NOS1: variants seen among roughly 807,000 people sequenced by gnomAD.
NOS1 encodes the protein NOS type I.
NOS1 carries 51 observed loss-of-function variants against 164.5 expected under a neutral mutation model. That is an observed-to-expected ratio of 0.31 (90% CI 0.25 to 0.39). The LOEUF (loss-of-function observed/expected upper bound fraction) is 0.39. Ranked by LOEUF, NOS1 falls within the 10% of genes least tolerant of loss-of-function variation. The probability of loss-of-function intolerance (pLI) is 1.00; values close to 1 mark genes in which losing one functional copy is unlikely to be tolerated. For synonymous variants in NOS1, 719 were observed against 745.8 expected, an observed-to-expected ratio of 0.96 and a Z score of 0.59; for missense variants, 1,362 against 1,885.6, an observed-to-expected ratio of 0.72 and a Z score of 5.14.
At chr12:117,231,372 T>C (rs973135495) in intron 22 of NOS1, among the ~76,000 whole-genome samples, 1 of 151,734 alleles carries the variant, frequency 6.6e-6, no homozygotes, top group Admixed American at 6.6e-5. Flanking sequence ...ACAAGGTGAC[T>C]ATAGTCAACA....
chr12:117,318,936 T>G (rs1464937627), intron 2 of NOS1, among the ~76,000 whole-genome samples: 1 of 152,208 alleles, frequency 6.6e-6, no homozygotes, highest in East Asian at 1.9e-4. Context: ...TGCTGGGAGC[T>G]GAGTTAAAGT....
At position 117,210,580 on chromosome 12, in the gene NOS1, G is replaced by A. The variant is rs957638347; in HGVS notation, c.*4729C>T. 4.0e-5 allele frequency: 39 copies of A among 985,384 alleles called. No homozygotes were observed. Among genetic ancestry groups the A allele is most frequent in the Non-Finnish European group, 4.6e-5 (38 of 830,002 alleles). The allele number at this position is 985,384 out of a possible 1,614,324, so 61.0% of individuals were successfully genotyped here. A position where few individuals can be genotyped will look rare whatever the true frequency, so the allele number is the denominator to read the frequency against. Reference sequence around the variant, plus strand: ...CAAGAATGAAAAGGCTGCATTAGGCGCTGGTGCTGTCGGAGTGAAGGGGCT... The same window carrying A: ...CAAGAATGAAAAGGCTGCATTAGGCACTGGTGCTGTCGGAGTGAAGGGGCT... On this transcript the variant is annotated 3_prime_UTR_variant, in exon 29 of 29. Coordinates refer to ENST00000317775, the MANE Select transcript of NOS1 (RefSeq NM_000620.5).
Position 117,213,280 on chromosome 12 carries a change from C to T in NOS1, c.*2029G>A. The T allele has an allele frequency of 1.0e-6, 1 of 985,448 alleles. No individual in the cohort carries two copies. The highest frequency in any genetic ancestry group is 1.2e-6 in the Non-Finnish European group (1 of 829,972). The allele number at this position is 985,448 out of a possible 1,614,324, so 61.0% of individuals were successfully genotyped here. On this transcript the variant is annotated 3_prime_UTR_variant, in exon 29 of 29. Transcript: ENST00000317775. ...AGCTATAAAGGATTGGAAAGAAAGCCTTTGGGAGGAAAGCTACTAGGAGCT... is the reference window on the plus strand; with the variant it reads ...AGCTATAAAGGATTGGAAAGAAAGCTTTTGGGAGGAAAGCTACTAGGAGCT...
chr12:117,350,642 G>A (rs781100843), intron 1 of NOS1, among the ~76,000 whole-genome samples: 17 of 152,200 alleles, frequency 1.1e-4, no homozygotes, highest in Non-Finnish European at 1.8e-4. Context: ...ATTCCAGGAT[G>A]TCCCAACTCA....
chr12:117,264,706 C>T (rs542273336), intron 12 of NOS1, among the ~76,000 whole-genome samples: 284 of 146,536 alleles, frequency 1.9e-3, no homozygotes, highest in African/African-American at 6.8e-3. Context: ...TCCCCCTCTC[C>T]CTCTCCCTTT....
At chr12:117,295,794 ATT>A (rs765400756) in intron 3 of NOS1, among the ~76,000 whole-genome samples, 4 of 127,942 alleles carry the variant, frequency 3.1e-5, no homozygotes, top group Admixed American at 7.8e-5. Flanking sequence ...TAATTTTTCT[ATT>A]TTTTTTTTTT....
rs1381260128 is a variant in NOS1 at position 117,208,396 on chromosome 12, G to C, written c.*6913C>G. On this transcript the variant is annotated 3_prime_UTR_variant, in exon 29 of 29. Coordinates refer to ENST00000317775, the MANE Select transcript of NOS1 (RefSeq NM_000620.5). ...GACGGCCGAGTTTCTGACAGCGTGTGTGTGTGTGTGTGTGTGTGTGTGTGT... is the reference window on the plus strand; with the variant it reads ...GACGGCCGAGTTTCTGACAGCGTGTCTGTGTGTGTGTGTGTGTGTGTGTGT... The C allele has an allele frequency of 8.9e-7, 1 of 1,118,344 alleles. No individual in the cohort carries two copies. Among genetic ancestry groups the C allele is most frequent in the Non-Finnish European group, 1.2e-6 (1 of 840,486 alleles). The allele number at this position is 1,118,344 out of a possible 1,614,324, so 69.3% of individuals were successfully genotyped here. A position where few individuals can be genotyped will look rare whatever the true frequency, so the allele number is the denominator to read the frequency against.
chr12:117,350,096 T>A (rs773435984), intron 1 of NOS1, among the ~76,000 whole-genome samples: 18 of 152,182 alleles, frequency 1.2e-4, no homozygotes, highest in Non-Finnish European at 2.6e-4. Flanking sequence ...TTCTACAGTA[T>A]CATTGTCATT....
intron 2 of NOS1, among the ~76,000 whole-genome samples, chr12:117,313,142 C>G (rs1207278946): frequency 1.3e-5 from 2 of 152,094 alleles, no homozygotes; most frequent in Non-Finnish European, 1.5e-5. Context: ...CTTCCTCCTC[C>G]TCGGCATCAG....
chr12:117,234,526 C>A lies in NOS1; in HGVS notation c.3235+39G>T. 1.3e-6 allele frequency: 2 copies of A among 1,582,678 alleles called. No homozygotes were observed. Among genetic ancestry groups the A allele is most frequent in the Non-Finnish European group, 1.7e-6 (2 of 1,158,900 alleles). On this transcript the variant is annotated intron_variant, in intron 21 of 28. Coordinates refer to ENST00000317775, the MANE Select transcript of NOS1 (RefSeq NM_000620.5). This position sits in a 1 kb window ranked among gnomAD's most constrained non-coding sequence, Gnocchi z 4.3. ...CTTCCCGAGACACCCACTGCCTCTG[C>A]AGCTCCCTAGAGCAGGGAAGGGTCC...
intron 2 of NOS1, among the ~76,000 whole-genome samples, chr12:117,321,253 A>C (rs1008293090): frequency 2.0e-5 from 3 of 151,846 alleles, no homozygotes; most frequent in Non-Finnish European, 2.9e-5. Context: ...CAGGTGATCC[A>C]CCCGCCTCGG....
chr12:117,294,311 C>T (rs528727354), intron 3 of NOS1, among the ~76,000 whole-genome samples: 1 of 152,104 alleles, frequency 6.6e-6, no homozygotes, highest in East Asian at 1.9e-4. Context: ...GGCCTGTGGG[C>T]GGCAGCCGAC....
chr12:117,285,344 AC>A lies in NOS1; in HGVS notation c.1291-13del, dbSNP rs1213450302. Reference sequence around the variant, plus strand: ...CGGGCATCGAATACCTGGAAGAGGCACAGGGCGGAACTGATTGCCTCTTCTT... The same window carrying A: ...CGGGCATCGAATACCTGGAAGAGGCAAGGGCGGAACTGATTGCCTCTTCTT... On this transcript the variant is annotated splice_polypyrimidine_tract_variant and intron_variant, in intron 6 of 28. Transcript: ENST00000317775. 1 of 1,584,728 alleles carries A rather than the reference AC, an allele frequency of 6.3e-7. No homozygotes were observed. Among genetic ancestry groups the A allele is most frequent in the South Asian group, 1.1e-5 (1 of 89,148 alleles).
intron 17 of NOS1, among the ~76,000 whole-genome samples, chr12:117,251,457 A>G (rs951828305): frequency 6.6e-6 from 1 of 152,088 alleles, no homozygotes; most frequent in Non-Finnish European, 1.5e-5. Context: ...TATGATTTCA[A>G]GGAATGTAGT....
intron 1 of NOS1, among the ~76,000 whole-genome samples, chr12:117,342,517 G>A (rs571766117): frequency 2.6e-5 from 4 of 152,138 alleles, no homozygotes; most frequent in South Asian, 2.1e-4. Flanking sequence ...AGAGACCAGC[G>A]TGTGAGAAGG....
chr12:117,330,273 T>C lies in NOS1; in HGVS notation c.725+72A>G. On this transcript the variant is annotated intron_variant, in intron 2 of 28. Coordinates refer to ENST00000317775, the MANE Select transcript of NOS1 (RefSeq NM_000620.5). This position sits in a 1 kb window ranked among gnomAD's most constrained non-coding sequence, Gnocchi z 4.6. ...TCTGGGCTATGAGGCTGAGTCTCAG[T>C]AGACGCACATGCACACACACAAGCA... 6.6e-7 allele frequency: 1 copy of C among 1,510,326 alleles called. No individual in the cohort carries two copies. Among genetic ancestry groups the C allele is most frequent in the Non-Finnish European group, 8.9e-7 (1 of 1,128,946 alleles). 93.6% of individuals were successfully genotyped at this position (1,510,326 alleles called of 1,614,324 possible).
At chr12:117,333,369 A>G (rs1278762455) in intron 1 of NOS1, among the ~76,000 whole-genome samples, 1 of 152,116 alleles carries the variant, frequency 6.6e-6, no homozygotes, top group Admixed American at 6.5e-5. Flanking sequence ...CCCATCTGCC[A>G]TGACTAACAA....
At chr12:117,218,697 C>T (rs1956650434) in intron 27 of NOS1, among the ~76,000 whole-genome samples, 1 of 151,974 alleles carries the variant, frequency 6.6e-6, no homozygotes, top group African/African-American at 2.4e-5. Flanking sequence ...TCAACATTGC[C>T]CAGAAAGAAG....
At chr12:117,255,942 T>C (rs1388535795) in intron 16 of NOS1, 1 of 1,494,664 alleles carries the variant, frequency 6.7e-7, no homozygotes, top group African/African-American at 1.5e-5. Context: ...CTACCTGTGC[T>C]GGCTGTCACG....
Sources: gnomAD v4.1 joint callset for allele counts (sites outside exome capture counted in the v4.1 genomes callset) on GRCh38, gnomAD v4.1.1 for gene constraint, Gnocchi (gnomAD v3.1) non-coding constraint, MANE v1.5 for transcripts, NCBI Gene and HGNC (gene_info 2026-07-23, HGNC 2026-07-21) for gene names.